Variants in AXIN1 observed in about 807,000 individuals in gnomAD.
AXIN1 encodes the protein axin-1.
A neutral mutation model predicts 76.4 loss-of-function variants in AXIN1; 30 were observed. That is an observed-to-expected ratio of 0.39 (90% confidence interval 0.29 to 0.53). AXIN1 has a LOEUF of 0.53. AXIN1 is among the 20% of genes least tolerant of loss of function. The pLI, the probability that AXIN1 is intolerant of heterozygous loss-of-function variation, is 0.66. For missense variants in AXIN1, 1,140 were observed against 1,198.8 expected (o/e 0.95, Z 0.72); for synonymous variants, 545 against 501.4 (o/e 1.09, Z -1.16).
At chr16:347,746 G>A (rs1219541564) in intron 1 of AXIN1, among the ~76,000 whole-genome samples, 1 of 152,178 alleles carries the variant, frequency 6.6e-6, no homozygotes, top group Non-Finnish European at 1.5e-5. Context: ...GCCTCAAAGA[G>A]AGATAATCAT....
intron 7 of AXIN1, among the ~76,000 whole-genome samples, chr16:294,441 C>A: frequency 9.4e-6 from 1 of 106,098 alleles, no homozygotes. Context: ...CCAGCCTAGG[C>A]AAGAGTGAGA....
At chr16:319,584 G>A (rs1270774976) in intron 2 of AXIN1, among the ~76,000 whole-genome samples, 1 of 152,122 alleles carries the variant, frequency 6.6e-6, no homozygotes, top group African/African-American at 2.4e-5. Flanking sequence ...CAAATGTCAG[G>A]GCCACACAGA....
Position 346,715 on chromosome 16 carries a change from G to A in AXIN1, c.311C>T (p.Thr104Ile), listed in dbSNP as rs1244431774. The part of the protein sequence containing the change: ...DDQDGISLFR[T>I]FLKQEGCADL... ...GGCACAGCCCTCCTGCTTCAGGAAA[G>A]TCCTGAACAGGCTTATCCCATCTTG... The change falls in exon 2 of 11, where the codon ACT becomes ATT. Residue 104 changes from threonine (T) to isoleucine (I), a missense_variant. By Grantham distance (89) the Thr-to-Ile change is moderately conservative (BLOSUM62 -1). This residue lies in a region of AXIN1 where 708 missense variants were observed against 776.9 expected (regional missense o/e 0.91). Coordinates refer to ENST00000262320, the MANE Select transcript of AXIN1 (RefSeq NM_003502.4). 1 of 1,581,888 alleles carries A rather than the reference G, an allele frequency of 6.3e-7. No homozygotes were observed. Among genetic ancestry groups the A allele is most frequent in the Non-Finnish European group, 8.6e-7 (1 of 1,162,706 alleles).
At position 298,268 on chromosome 16, in the gene AXIN1, A is replaced by G. The variant is rs2052774401; in HGVS notation, c.1255-17T>C. 3.9e-6 allele frequency: 6 copies of G among 1,537,810 alleles called. No homozygotes were observed. The highest frequency in any genetic ancestry group is 2.7e-5 in the African/African-American group (2 of 73,044). ...TTCCTCCTCCTGTGTGGGGACAAGC[A>G]GCACCATCACCTCTCAGCACCAGCT... On this transcript the variant is annotated splice_polypyrimidine_tract_variant and intron_variant, in intron 5 of 10. Coordinates refer to ENST00000262320, the MANE Select transcript of AXIN1 (RefSeq NM_003502.4).
rs552973634 is a variant in AXIN1, at chr16:297,325, C to G, written c.1785-99G>C. Reference sequence around the variant, plus strand: ...CCCCTCCTGGCATCTGTAAGGCTCCCGTGGTGCAGCCGCCGCCCGCTGTCC... The same window carrying G: ...CCCCTCCTGGCATCTGTAAGGCTCCGGTGGTGCAGCCGCCGCCCGCTGTCC... On this transcript the variant is annotated intron_variant, in intron 6 of 10. Transcript: ENST00000262320. 8.3e-5 allele frequency: 126 copies of G among 1,519,384 alleles called. 1 individual carries two copies. Among genetic ancestry groups the G allele is most frequent in the South Asian group, 7.9e-4 (69 of 87,408 alleles). 94.1% of individuals were successfully genotyped at this position (1,519,384 alleles called of 1,614,324 possible).
At chr16:349,090 A>C (rs2054091397) in intron 1 of AXIN1, among the ~76,000 whole-genome samples, 1 of 151,476 alleles carries the variant, frequency 6.6e-6, no homozygotes, top group African/African-American at 2.4e-5. Flanking sequence ...CGACAGAGTG[A>C]GACTCTGTCT....
At chr16:327,377 G>C (rs1342515999) in intron 2 of AXIN1, among the ~76,000 whole-genome samples, 1 of 152,202 alleles carries the variant, frequency 6.6e-6, no homozygotes, top group Non-Finnish European at 1.5e-5. Flanking sequence ...AAAAGGGCAA[G>C]AGAATGAGTC....
At chr16:302,267 T>C (rs912753589) in intron 5 of AXIN1, among the ~76,000 whole-genome samples, 1 of 152,170 alleles carries the variant, frequency 6.6e-6, no homozygotes, top group African/African-American at 2.4e-5. Context: ...TGGGGGACTG[T>C]GGAGAAGGTG....
intron 10 of AXIN1, among the ~76,000 whole-genome samples, chr16:288,762 T>C (rs1194596154): frequency 1.3e-5 from 2 of 152,236 alleles, no homozygotes; most frequent in African/African-American, 4.8e-5. Flanking sequence ...CGCAGGGCCC[T>C]GCAGGGCTGA....
intron 3 of AXIN1, among the ~76,000 whole-genome samples, chr16:310,755 C>T (rs1013023078): frequency 5.9e-5 from 9 of 152,232 alleles, no homozygotes; most frequent in Admixed American, 3.9e-4. Flanking sequence ...GGACTGCATG[C>T]GGCTGCAAAG....
intron 8 of AXIN1, chr16:292,355 C>T (rs768598566): frequency 1.3e-5 from 2 of 152,264 alleles, no homozygotes; most frequent in Non-Finnish European, 2.9e-5. Flanking sequence ...GTAACTGTGA[C>T]CCTTTCTGGC....
rs374547530 is a variant in AXIN1 at position 293,079 on chromosome 16, T to C, written c.2186+409A>G. ...ACCGTGCAGAGCCACTCAGGGCTCCTGGGACGCAACTGTCAAGAGGCAGCC... is the reference window on the plus strand; with the variant it reads ...ACCGTGCAGAGCCACTCAGGGCTCCCGGGACGCAACTGTCAAGAGGCAGCC... On this transcript the variant is annotated intron_variant, in intron 8 of 10. Transcript: ENST00000262320. This position sits in a 1 kb window ranked among gnomAD's most constrained non-coding sequence, Gnocchi z 4.6. 1.2e-4 allele frequency: 32 copies of C among 258,182 alleles called. No individual in the cohort carries two copies. Among genetic ancestry groups the C allele is most frequent in the Middle Eastern group, 1.3e-3 (1 of 748 alleles). The allele number at this position is 258,182 out of a possible 1,614,324, so 16.0% of individuals were successfully genotyped here. A position where few individuals can be genotyped will look rare whatever the true frequency, so the allele number is the denominator to read the frequency against.
At chr16:329,069 G>A (rs1425759606) in intron 2 of AXIN1, among the ~76,000 whole-genome samples, 1 of 152,050 alleles carries the variant, frequency 6.6e-6, no homozygotes, top group Non-Finnish European at 1.5e-5. Flanking sequence ...CACGACGTCA[G>A]GAGTTCGAGA....
chr16:295,350 T>A (rs2052683457), intron 7 of AXIN1, among the ~76,000 whole-genome samples: 1 of 151,878 alleles, frequency 6.6e-6, no homozygotes, highest in South Asian at 2.1e-4. Context: ...CCTCAAGCGA[T>A]CCACCTGCCT....
intron 10 of AXIN1, 56 bp from the exon 11 acceptor site, chr16:288,304 G>C: frequency 1.2e-6 from 2 of 1,611,038 alleles, no homozygotes; most frequent in Non-Finnish European, 1.7e-6. Context: ...ATGGGAAGGA[G>C]GCCTGTGGCA....
At chr16:327,824 T>G (rs555617723) in intron 2 of AXIN1, among the ~76,000 whole-genome samples, 1 of 152,378 alleles carries the variant, frequency 6.6e-6, no homozygotes, top group African/African-American at 2.4e-5. Flanking sequence ...GCCAGGCACA[T>G]GATGCAGAAA....
At chr16:304,217 A>G in intron 5 of AXIN1, 87 bp downstream of exon 5, 27 of 1,593,634 alleles carry the variant, frequency 1.7e-5, no homozygotes, top group Non-Finnish European at 2.3e-5. Context: ...AGCCCCGGGC[A>G]TCCCCATGAA....
Position 345,550 on chromosome 16 carries a change from A to G in AXIN1, c.878+598T>C, listed in dbSNP as rs149712914. On this transcript the variant is annotated intron_variant, in intron 2 of 10. Coordinates refer to ENST00000262320, the MANE Select transcript of AXIN1 (RefSeq NM_003502.4). ...GCCAACATGGAGAAACCCCACCTCT[A>G]CTAATAATGCAAAATTAGCCGGGCG... Among the ~76,000 whole-genome samples the G allele has an allele frequency of 4.9e-3, 739 of 152,318 alleles. 3 individuals are homozygous for G. Among genetic ancestry groups the G allele is most frequent in the Non-Finnish European group, 7.7e-3 (525 of 68,026 alleles).
At chr16:332,827 GA>G (rs1376193112) in intron 2 of AXIN1, among the ~76,000 whole-genome samples, 2 of 152,034 alleles carry the variant, frequency 1.3e-5, no homozygotes, top group African/African-American at 4.8e-5. Context: ...ATCTAAATAA[GA>G]TCTCAAATAA....
Sources: allele counts gnomAD v4.1 joint callset (sites outside exome capture counted in the v4.1 genomes callset), GRCh38; gene constraint gnomAD v4.1.1; regional missense constraint gnomAD v4.1.1; non-coding constraint Gnocchi (gnomAD v3.1); transcripts MANE v1.5; gene names NCBI Gene and HGNC (gene_info 2026-07-23, HGNC 2026-07-21).